The following TOX3 variants were observed in gnomAD, a reference collection of about 807,000 sequenced individuals.
TOX3 encodes the protein CAG trinucleotide repeat-containing gene F9 protein.
TOX3 carries 22 observed loss-of-function variants against 64.3 expected under a neutral mutation model. The observed-to-expected ratio is 0.34, with a 90% CI of 0.24 to 0.49. The LOEUF is 0.49. TOX3 is among the 20% of genes least tolerant of loss of function. The probability of loss-of-function intolerance (pLI) is 0.99; values close to 1 mark genes in which losing one functional copy is unlikely to be tolerated. For synonymous variants in TOX3, 291 were observed against 273.6 expected, an observed-to-expected ratio of 1.06 and a Z score of -0.63; for missense variants, 661 against 714.4, an observed-to-expected ratio of 0.93 and a Z score of 0.85.
intron 1 of TOX3, among the ~76,000 whole-genome samples, chr16:52,518,146 C>T (rs547399651): frequency 1.3e-5 from 2 of 152,240 alleles, no homozygotes; most frequent in East Asian, 1.9e-4. Flanking sequence ...AACACATCTC[C>T]TAATAATATT....
chr16:52,478,998 G>C (rs1961295552), intron 1 of TOX3, among the ~76,000 whole-genome samples: 1 of 152,044 alleles, frequency 6.6e-6, no homozygotes. Flanking sequence ...AAGATACAAT[G>C]GTAAATATTA....
At chr16:52,460,280 A>T (rs538452111) in intron 3 of TOX3, among the ~76,000 whole-genome samples, 2 of 152,358 alleles carry the variant, frequency 1.3e-5, no homozygotes, top group African/African-American at 4.8e-5. Context: ...ACATGGAAAT[A>T]TAATATATGA....
At chr16:52,489,076 C>CT (rs1961605457) in intron 1 of TOX3, among the ~76,000 whole-genome samples, 1 of 152,076 alleles carries the variant, frequency 6.6e-6, no homozygotes, top group East Asian at 1.9e-4. Context: ...CAAATCATCC[C>CT]TTTTTTTTCC....
intron 3 of TOX3, among the ~76,000 whole-genome samples, chr16:52,456,580 T>A (rs899214883): frequency 2.0e-5 from 3 of 152,238 alleles, no homozygotes; most frequent in African/African-American, 7.2e-5. Flanking sequence ...TTGTCTTTTT[T>A]AAACAGGAAA....
At chr16:52,463,297 G>A (rs1960750375) in intron 3 of TOX3, among the ~76,000 whole-genome samples, 1 of 152,180 alleles carries the variant, frequency 6.6e-6, no homozygotes, top group Non-Finnish European at 1.5e-5. Context: ...ATTTACTCTA[G>A]TGATTGCTGA....
chr16:52,449,367 C>A (rs555803706), intron 4 of TOX3, among the ~76,000 whole-genome samples: 1 of 152,266 alleles, frequency 6.6e-6, no homozygotes, highest in African/African-American at 2.4e-5. Context: ...TCACTAGCCC[C>A]CAACCAAAAT....
intron 1 of TOX3, among the ~76,000 whole-genome samples, chr16:52,474,079 G>A (rs1961135005): frequency 6.6e-6 from 1 of 152,004 alleles, no homozygotes; most frequent in African/African-American, 2.4e-5. Flanking sequence ...TTAGACCTAT[G>A]TCCAAAACTG....
intron 1 of TOX3, among the ~76,000 whole-genome samples, chr16:52,532,015 G>C (rs939535682): frequency 1.3e-5 from 2 of 152,154 alleles, no homozygotes; most frequent in African/African-American, 2.4e-5. Context: ...AGGGGAGTTT[G>C]GGGGGCAGTG....
chr16:52,504,000 T>G (rs900635602), intron 1 of TOX3, among the ~76,000 whole-genome samples: 5 of 152,196 alleles, frequency 3.3e-5, no homozygotes, highest in Non-Finnish European at 1.5e-5. Flanking sequence ...TCATATTCAC[T>G]ACAGCATGAG....
At chr16:52,509,775 T>C (rs1962253725) in intron 1 of TOX3, among the ~76,000 whole-genome samples, 1 of 152,244 alleles carries the variant, frequency 6.6e-6, no homozygotes, top group African/African-American at 2.4e-5. Flanking sequence ...TGCTAGGTAT[T>C]GGTTAAAACA....
chr16:52,487,749 T>A (rs931320903), intron 1 of TOX3, among the ~76,000 whole-genome samples: 1 of 152,198 alleles, frequency 6.6e-6, no homozygotes, highest in African/African-American at 2.4e-5. Context: ...AAATATTAAC[T>A]GGGAATTTAA....
chr16:52,496,470 C>G (rs1961852381), intron 1 of TOX3, among the ~76,000 whole-genome samples: 1 of 152,148 alleles, frequency 6.6e-6, no homozygotes, highest in Non-Finnish European at 1.5e-5. Context: ...AAAGAAAAAG[C>G]ATTAAAACAT....
chr16:52,526,825 G>A (rs1230777557), intron 1 of TOX3, among the ~76,000 whole-genome samples: 1 of 152,186 alleles, frequency 6.6e-6, no homozygotes, highest in Admixed American at 6.5e-5. Flanking sequence ...TAAACAAATT[G>A]CTACAGACTT....
intron 1 of TOX3, among the ~76,000 whole-genome samples, chr16:52,540,193 G>A (rs1175275242): frequency 6.6e-6 from 1 of 151,762 alleles, no homozygotes; most frequent in Admixed American, 6.6e-5. Context: ...CAACCCTGGT[G>A]ACACAGCAAG....
In TOX3 at chr16:52,546,747, G is replaced by A; in HGVS notation, c.-24C>T. On this transcript the variant is annotated 5_prime_UTR_variant, in exon 1 of 7. Coordinates refer to ENST00000219746, the MANE Select transcript of TOX3 (RefSeq NM_001080430.4). ...ATGCCGAAGCTGGGCCCGGGGCCGG[G>A]GGCCGGGACTGGGGTTCGCCGGGGC... 2 of 1,499,786 alleles carry A rather than the reference G, an allele frequency of 1.3e-6. No individual in the cohort carries two copies. The highest frequency in any genetic ancestry group is 1.2e-5 in the South Asian group (1 of 80,322). 92.9% of individuals were successfully genotyped at this position (1,499,786 alleles called of 1,614,324 possible).
chr16:52,533,852 G>A (rs1451627113), intron 1 of TOX3, among the ~76,000 whole-genome samples: 1 of 152,182 alleles, frequency 6.6e-6, no homozygotes, highest in Non-Finnish European at 1.5e-5. Flanking sequence ...CAGGAAAGAT[G>A]GGAGCTGTTT....
rs539844978 is a variant in TOX3 at position 52,487,008 on chromosome 16, G to A, written c.88-18434C>T. Among the ~76,000 whole-genome samples, 6 of 152,204 alleles carry A rather than the reference G, an allele frequency of 3.9e-5. No individual in the cohort carries two copies. In the South Asian group the frequency reaches 8.3e-4, roughly 21 times the overall value. ...ACCATATGATCTTGCTTTGTTCTAA[G>A]GGGAAAAATAATAAGCATTATGCCC... On this transcript the variant is annotated intron_variant, in intron 1 of 6. Transcript: ENST00000219746.
chr16:52,445,911 C>T (rs1596773683), intron 5 of TOX3, 83 bp downstream of exon 5: 1 of 1,268,144 alleles, frequency 7.9e-7, no homozygotes, highest in Non-Finnish European at 1.1e-6. Context: ...ATTAAGTGAA[C>T]ACATGCACTT....
At chr16:52,452,308 A>C (rs966909618) in intron 3 of TOX3, among the ~76,000 whole-genome samples, 12 of 152,304 alleles carry the variant, frequency 7.9e-5, no homozygotes, top group East Asian at 3.9e-4. Context: ...ACATTGTTCA[A>C]TTCCCACCTA....
Sources: gnomAD v4.1 joint callset for allele counts (sites outside exome capture counted in the v4.1 genomes callset) on GRCh38, gnomAD v4.1.1 for gene constraint, MANE v1.5 for transcripts, NCBI Gene and HGNC (gene_info 2026-07-23, HGNC 2026-07-21) for gene names.